The following GPC6 variants were observed in gnomAD, a reference collection of about 807,000 sequenced individuals.
The protein encoded by GPC6 is glypican 6.
A neutral mutation model predicts 55.2 loss-of-function variants in GPC6; 14 were observed. That is an observed-to-expected ratio of 0.25 (90% CI 0.17 to 0.40). The LOEUF (loss-of-function observed/expected upper bound fraction) is 0.40, where lower values mean the gene tolerates loss of function less well. GPC6 is among the 10% of genes least tolerant of loss of function. The probability of loss-of-function intolerance (pLI) is 1.00; values close to 1 mark genes in which losing one functional copy is unlikely to be tolerated. For missense variants in GPC6, 641 were observed against 708.5 expected, an observed-to-expected ratio of 0.90 and a Z score of 1.08; for synonymous variants, 278 against 259.6, an observed-to-expected ratio of 1.07 and a Z score of -0.68.
intron 2 of GPC6, among the ~76,000 whole-genome samples, chr13:93,553,817 T>C (rs2139446811): frequency 6.6e-6 from 1 of 151,158 alleles, no homozygotes; most frequent in South Asian, 2.1e-4. Context: ...AGTTTCTGAA[T>C]TTCCATAATA....
intron 5 of GPC6, among the ~76,000 whole-genome samples, chr13:94,298,269 A>AT (rs1466058640): frequency 2.0e-5 from 3 of 152,242 alleles, no homozygotes; most frequent in South Asian, 2.1e-4. Context: ...TTTTAATGAA[A>AT]TTTTTTTAAC....
intron 4 of GPC6, among the ~76,000 whole-genome samples, chr13:94,166,030 C>T (rs1260757942): frequency 6.6e-6 from 1 of 152,064 alleles, no homozygotes; most frequent in Non-Finnish European, 1.5e-5. Context: ...CGTTAAATTT[C>T]TTCTGCTAAT....
intron 6 of GPC6, among the ~76,000 whole-genome samples, chr13:94,347,685 T>A (rs779113910): frequency 1.3e-5 from 2 of 152,236 alleles, no homozygotes; most frequent in African/African-American, 2.4e-5. Context: ...TTTTCCTTAC[T>A]CACTATGATT....
At chr13:93,734,566 GTAGAATCTAGGTT>G (rs1883933230) in intron 2 of GPC6, among the ~76,000 whole-genome samples, 1 of 152,100 alleles carries the variant, frequency 6.6e-6, no homozygotes, top group Non-Finnish European at 1.5e-5. Flanking sequence ...TTTTATCCAA[GTAGAATCTAGGTT>G]TAGACATTTT....
At chr13:94,397,171 T>C (rs1218191722) in intron 7 of GPC6, among the ~76,000 whole-genome samples, 5 of 151,836 alleles carry the variant, frequency 3.3e-5, no homozygotes, top group African/African-American at 9.7e-5. Context: ...AAGAAGGGCA[T>C]TGGGGAGGTC....
intron 1 of GPC6, among the ~76,000 whole-genome samples, chr13:93,527,965 G>T (rs146784544): frequency 0.011 from 1,738 of 152,180 alleles, 34 homozygotes; most frequent in African/African-American, 0.034. Context: ...TATGTGATAT[G>T]ATCAGTGTTG....
chr13:93,884,195 C>T (rs1566585458), intron 3 of GPC6, among the ~76,000 whole-genome samples: 1 of 152,258 alleles, frequency 6.6e-6, no homozygotes, highest in East Asian at 1.9e-4. Context: ...GACCTTGACA[C>T]ATGAAATCAT....
At chr13:93,384,724 T>C (rs1875326862) in intron 1 of GPC6, among the ~76,000 whole-genome samples, 1 of 152,198 alleles carries the variant, frequency 6.6e-6, no homozygotes, top group South Asian at 2.1e-4. Flanking sequence ...GTGAAAGAGG[T>C]ATGAATACAC....
intron 1 of GPC6, among the ~76,000 whole-genome samples, chr13:93,391,491 T>C (rs1875630086): frequency 6.6e-6 from 1 of 152,214 alleles, no homozygotes; most frequent in Admixed American, 6.5e-5. Context: ...GACTTGGTTG[T>C]ACACTAATGG....
chr13:93,791,923 A>G (rs558842398), intron 2 of GPC6, among the ~76,000 whole-genome samples: 2 of 152,344 alleles, frequency 1.3e-5, no homozygotes, highest in South Asian at 4.1e-4. Context: ...TTAATTTTCG[A>G]TCTATAGTCT....
At chr13:93,851,678 A>G (rs868859540) in intron 3 of GPC6, among the ~76,000 whole-genome samples, 7 of 151,840 alleles carry the variant, frequency 4.6e-5, no homozygotes, top group Admixed American at 4.0e-4. Context: ...TAATTGTATA[A>G]TGATGTTGAA....
chr13:93,745,846 CA>C (rs1331150695), intron 2 of GPC6, among the ~76,000 whole-genome samples: 1 of 152,118 alleles, frequency 6.6e-6, no homozygotes, highest in East Asian at 1.9e-4. Flanking sequence ...AGACGAAACT[CA>C]AAATAATTGC....
intron 1 of GPC6, among the ~76,000 whole-genome samples, chr13:93,336,237 G>A (rs1880041015): frequency 6.6e-6 from 1 of 152,194 alleles, no homozygotes; most frequent in African/African-American, 2.4e-5. Context: ...TGTAAAATGT[G>A]TGGAGTAAAA....
chr13:94,018,639 T>C (rs1594670254), intron 3 of GPC6, among the ~76,000 whole-genome samples: 1 of 152,296 alleles, frequency 6.6e-6, no homozygotes, highest in South Asian at 2.1e-4. Flanking sequence ...AGTGTTTTGT[T>C]AAAGACTTTT....
chr13:93,454,534 A>C (rs1227326385), intron 1 of GPC6, among the ~76,000 whole-genome samples: 1 of 149,892 alleles, frequency 6.7e-6, no homozygotes, highest in Non-Finnish European at 1.5e-5. Flanking sequence ...TGGTGCATTC[A>C]CAAACCCTGA....
chr13:93,459,444 A>T (rs1450230887), intron 1 of GPC6, among the ~76,000 whole-genome samples: 46 of 152,232 alleles, frequency 3.0e-4, no homozygotes, highest in Admixed American at 1.1e-3. Context: ...TTTTCTGCTT[A>T]TATTTTTTTA....
intron 3 of GPC6, among the ~76,000 whole-genome samples, chr13:93,950,772 A>G (rs1879218254): frequency 6.6e-6 from 1 of 152,114 alleles, no homozygotes; most frequent in Non-Finnish European, 1.5e-5. Flanking sequence ...TGCATTCACA[A>G]ATGATTCTGA....
chr13:94,362,535 G>C (rs1029444662), intron 6 of GPC6, among the ~76,000 whole-genome samples: 2 of 152,130 alleles, frequency 1.3e-5, no homozygotes, highest in African/African-American at 4.8e-5. Context: ...TCGGGGATAA[G>C]ACTGGTAAGG....
At chr13:93,444,652 A>G (rs1328498487) in intron 1 of GPC6, among the ~76,000 whole-genome samples, 1 of 152,200 alleles carries the variant, frequency 6.6e-6, no homozygotes, top group South Asian at 2.1e-4. Context: ...ATGCATGTAA[A>G]GCAAACAAAG....
Sources: allele counts gnomAD v4.1 joint callset (sites outside exome capture counted in the v4.1 genomes callset), GRCh38; gene constraint gnomAD v4.1.1; transcripts MANE v1.5; gene names NCBI Gene and HGNC (gene_info 2026-07-23, HGNC 2026-07-21).